PPP2R3B: variants seen among roughly 807,000 people sequenced by gnomAD.
PPP2R3B encodes the protein serine/threonine-protein phosphatase 2A regulatory subunit B'' subunit beta.
In PPP2R3B, 68 loss-of-function variants were observed where a neutral mutation model predicts 72.9. The ratio of observed to expected loss-of-function variants is 0.93; its 90% CI spans 0.77 to 1.14. The LOEUF (loss-of-function observed/expected upper bound fraction) is 1.14. Ranked by LOEUF, PPP2R3B falls within the 50% of genes most tolerant of loss-of-function variation. PPP2R3B has a pLI of 0.00. For synonymous variants in PPP2R3B, 466 were observed against 375.8 expected (o/e 1.24, Z -2.78); for missense variants, 1,018 against 842.0 (o/e 1.21, Z -2.59).
At chrX:380,306 T>C (rs1402960184) in intron 1 of PPP2R3B, among the ~76,000 whole-genome samples, 5 of 152,126 alleles carry the variant, frequency 3.3e-5, no homozygotes, top group Non-Finnish European at 7.3e-5. Flanking sequence ...ACACACCACA[T>C]TGTCTTACCA....
chrX:344,088 CCTCACCAACGGGAGGCGGGA>C, intron 7 of PPP2R3B, among the ~76,000 whole-genome samples: 3 of 140,738 alleles, frequency 2.1e-5, no homozygotes, highest in African/African-American at 5.3e-5. Context: ...GGGAGGGAGA[CCTCACCAACGGGAGGCGGGA>C]GTGAGACCTC....
chrX:340,452 C>T (rs188573383), intron 10 of PPP2R3B, among the ~76,000 whole-genome samples: 18,947 of 80,784 alleles, frequency 0.23, 3,023 homozygotes, highest in Middle Eastern at 0.31. Flanking sequence ...TGGTCCGTCC[C>T]CCCTCCCGTC....
Position 386,450 on chromosome X carries a change from G to A in PPP2R3B, c.242C>T (p.Pro81Leu). 3 of 1,315,482 alleles carry A rather than the reference G, an allele frequency of 2.3e-6. No individual in the cohort carries two copies. The highest frequency in any genetic ancestry group is 2.9e-6 in the Non-Finnish European group (3 of 1,029,578). The allele number at this position is 1,315,482 out of a possible 1,614,324, so 81.5% of individuals were successfully genotyped here. Residue 81 changes from proline to leucine, a missense_variant, in exon 1 of 13, where the codon CCT becomes CTT. Transcript: ENST00000390665. The part of the protein sequence containing the change: ...LEPPGTPGPG[P>L]ALPLGAASSP... ...GGAGGCGGCGCCCAGGGGCAGCGCA[G>A]GGCCCGGCCCGGGGGTTCCCGGGGG...
chrX:345,687 A>T lies in PPP2R3B; in HGVS notation c.880-15T>A. The T allele has an allele frequency of 6.4e-7, 1 of 1,559,648 alleles. No homozygotes were observed. Among genetic ancestry groups the T allele is most frequent in the Non-Finnish European group, 8.7e-7 (1 of 1,145,864 alleles). Reference sequence around the variant, plus strand: ...AGCGCCACATTCTGCCAAAGGACCCAGGCGGCCTGAGCGCGGGGCCTCTGC... The same window carrying T: ...AGCGCCACATTCTGCCAAAGGACCCTGGCGGCCTGAGCGCGGGGCCTCTGC... On this transcript the variant is annotated splice_polypyrimidine_tract_variant and intron_variant, in intron 6 of 12. Transcript: ENST00000390665.
chrX:361,799 A>G (rs1232756596), intron 1 of PPP2R3B, among the ~76,000 whole-genome samples: 3 of 152,146 alleles, frequency 2.0e-5, no homozygotes, highest in East Asian at 3.9e-4. Flanking sequence ...CCATGCTGCC[A>G]TGGACCCCAC....
intron 1 of PPP2R3B, among the ~76,000 whole-genome samples, chrX:383,550 G>A (rs896531930): frequency 2.0e-5 from 3 of 151,892 alleles, no homozygotes; most frequent in East Asian, 1.9e-4. Flanking sequence ...AAAAATACAC[G>A]GCTGTCGGCG....
At chrX:358,712 C>G (rs974430554) in intron 2 of PPP2R3B, among the ~76,000 whole-genome samples, 2 of 152,176 alleles carry the variant, frequency 1.3e-5, no homozygotes, top group Non-Finnish European at 2.9e-5. Context: ...GAGGTGACAC[C>G]GAGAACTGAG....
intron 1 of PPP2R3B, among the ~76,000 whole-genome samples, chrX:380,604 A>G (rs1483146415): frequency 1.3e-5 from 2 of 151,878 alleles, no homozygotes; most frequent in South Asian, 2.1e-4. Context: ...TGACCAACAT[A>G]GTGAAACCCC....
intron 2 of PPP2R3B, among the ~76,000 whole-genome samples, chrX:348,905 C>G (rs2071275975): frequency 1.3e-5 from 2 of 152,086 alleles, no homozygotes; most frequent in African/African-American, 4.8e-5. Flanking sequence ...AGTGCCTGTT[C>G]CGAGGCTGGC....
chrX:335,062 T>A (rs2070852509), intron 12 of PPP2R3B: 1 of 152,406 alleles, frequency 6.6e-6, no homozygotes, highest in Non-Finnish European at 1.5e-5. Context: ...CTCTCAGAGA[T>A]CCTGTGGGGA....
At chrX:363,565 CAT>C (rs2071602706) in intron 1 of PPP2R3B, among the ~76,000 whole-genome samples, 1 of 144,426 alleles carries the variant, frequency 6.9e-6, no homozygotes, top group African/African-American at 2.6e-5. Context: ...AGTGCATCTC[CAT>C]GAGTCCACGA....
chrX:346,586 G>A (rs2071219457), intron 5 of PPP2R3B, 115 bp downstream of exon 5: 5 of 1,025,004 alleles, frequency 4.9e-6, no homozygotes, highest in East Asian at 5.4e-5. Context: ...CGCCTCCTCC[G>A]GAAGCTCAGG....
chrX:339,071 G>T lies in PPP2R3B; in HGVS notation c.1352-175C>A, dbSNP rs765860062. On this transcript the variant is annotated intron_variant, in intron 10 of 12. Transcript: ENST00000390665. ...ACGCGAGTGTCCTGGTTCTGGGTGG[G>T]GACTGAGGCGTGGGAGGCCGTGATG... 2.0e-3 allele frequency among the ~76,000 whole-genome samples: 310 copies of T among 152,250 alleles called. 2 individuals are homozygous for T. Among genetic ancestry groups the T allele is most frequent in the African/African-American group, 7.3e-3 (302 of 41,586 alleles).
chrX:344,826 G>A (rs779437511), intron 7 of PPP2R3B: 4 of 295,054 alleles, frequency 1.4e-5, no homozygotes, highest in African/African-American at 6.6e-5. Flanking sequence ...AGACGCAGAC[G>A]GGTGCAGCTC....
At chrX:356,230 C>T (rs144679436) in intron 2 of PPP2R3B, among the ~76,000 whole-genome samples, 22 of 152,134 alleles carry the variant, frequency 1.4e-4, no homozygotes, top group East Asian at 7.7e-4. Flanking sequence ...TGTTTTTTTG[C>T]GTAGAGACAC....
At chrX:361,311 T>G in intron 2 of PPP2R3B, 94 bp downstream of exon 2, 1 of 1,421,158 alleles carries the variant, frequency 7.0e-7, no homozygotes, top group Non-Finnish European at 9.7e-7. Context: ...TCACTCACGC[T>G]CGTGTGACAC....
intron 7 of PPP2R3B, among the ~76,000 whole-genome samples, chrX:343,853 A>ACG (rs1486434015): frequency 1.2e-4 from 5 of 43,244 alleles, no homozygotes; most frequent in African/African-American, 2.6e-4. Context: ...GACCTCACCA[A>ACG]GGAGACGCGG....
chrX:363,542 C>T (rs1569403986), intron 1 of PPP2R3B, among the ~76,000 whole-genome samples: 2 of 146,448 alleles, frequency 1.4e-5, no homozygotes, highest in East Asian at 2.0e-4. Flanking sequence ...TCTCCCCGAG[C>T]CCGCGATCCC....
At position 352,957 on chromosome X, in the gene PPP2R3B, C is replaced by T. The variant is rs767900334; in HGVS notation, c.511-5264G>A. On this transcript the variant is annotated intron_variant, in intron 2 of 12. Transcript: ENST00000390665. The stretch of plus-strand genomic sequence containing the variant: ...GCTCGGAGCCCCCACCCAAGTCTCA[C>T]GGGGAACTGTGATCCTGAGTGTTGG... Among the ~76,000 whole-genome samples, 18 of 151,522 alleles carry T rather than the reference C, an allele frequency of 1.2e-4. No individual in the cohort carries two copies. The East Asian group carries it at 2.7e-3, about 23-fold the overall frequency.
Sources: gnomAD v4.1 joint callset for allele counts (sites outside exome capture counted in the v4.1 genomes callset) on GRCh38, gnomAD v4.1.1 for gene constraint, MANE v1.5 for transcripts, NCBI Gene and HGNC (gene_info 2026-07-23, HGNC 2026-07-21) for gene names.